ITSN1: variants seen among roughly 807,000 people sequenced by gnomAD.
ITSN1 encodes intersectin 1, also known as intersectin-1.
Under a neutral mutation model 239.8 loss-of-function variants are expected in ITSN1, and 58 were observed. That is an observed-to-expected ratio of 0.24 (90% confidence interval 0.20 to 0.30). The LOEUF (loss-of-function observed/expected upper bound fraction) is 0.30, where lower values mean the gene tolerates loss of function less well. ITSN1 is among the 10% of genes least tolerant of loss of function. The pLI is 1.00. For synonymous variants in ITSN1, 780 were observed against 770.8 expected (o/e 1.01, Z -0.20); for missense variants, 1,558 against 2,103.3 (o/e 0.74, Z 5.07).
At chr21:33,717,710 C>G (rs1436664679) in intron 1 of ITSN1, among the ~76,000 whole-genome samples, 1 of 148,736 alleles carries the variant, frequency 6.7e-6, no homozygotes, top group Non-Finnish European at 1.5e-5. Flanking sequence ...CGCCCGCCAC[C>G]ACGCCCAGCT....
chr21:33,669,689 C>T (rs1409863151), intron 1 of ITSN1, among the ~76,000 whole-genome samples: 4 of 151,888 alleles, frequency 2.6e-5, no homozygotes, highest in African/African-American at 2.4e-5. Context: ...GATCCACCCA[C>T]CTTGACCTCC....
At chr21:33,680,605 G>T (rs1171421763) in intron 1 of ITSN1, among the ~76,000 whole-genome samples, 2 of 152,154 alleles carry the variant, frequency 1.3e-5, no homozygotes, top group Non-Finnish European at 2.9e-5. Context: ...TGCTGGGATT[G>T]CAGGCGTGAG....
rs1278532338 is a variant in ITSN1 at position 33,836,608 on chromosome 21, A to G, written c.3637A>G (p.Thr1213Ala). The G allele has an allele frequency of 1.9e-6, 3 of 1,614,036 alleles. No individual in the cohort carries two copies. The highest frequency in any genetic ancestry group is 1.3e-5 in the African/African-American group (1 of 75,048). ...CCCATCCAATTATGTGAAGCTGACC[A>G]CAGACATGGACCCAAGCCAGCAATG... ...LFPSNYVKLT[T>A]DMDPSQQWCS... is the part of the protein sequence containing the mutation. Residue 1213 changes from threonine (T) to alanine (A), a missense_variant, in exon 29 of 40, where the codon ACA (threonine) becomes GCA (alanine). This residue lies in a region of ITSN1 where 576 missense variants were observed against 893.3 expected (regional missense o/e 0.64). Coordinates refer to ENST00000381318, the MANE Select transcript of ITSN1 (RefSeq NM_003024.3).
intron 34 of ITSN1, among the ~76,000 whole-genome samples, chr21:33,879,635 A>ACACAGTGAG (rs1569337804): frequency 2.6e-5 from 4 of 152,230 alleles, no homozygotes. Context: ...CATCAGAGGG[A>ACACAGTGAG]CACAGTGAGG....
At chr21:33,867,924 G>A (rs1371229849) in intron 33 of ITSN1, among the ~76,000 whole-genome samples, 1 of 152,132 alleles carries the variant, frequency 6.6e-6, no homozygotes, top group Non-Finnish European at 1.5e-5. Flanking sequence ...CGGTGGGCTC[G>A]TGGTCTCGCT....
At chr21:33,727,609 A>C (rs1432222659) in intron 4 of ITSN1, among the ~76,000 whole-genome samples, 2 of 141,656 alleles carry the variant, frequency 1.4e-5, no homozygotes, top group African/African-American at 2.7e-5. Flanking sequence ...AACTCATACA[A>C]AAAAAAAAAA....
At chr21:33,647,342 T>G (rs1160866487) in intron 1 of ITSN1, among the ~76,000 whole-genome samples, 1 of 152,198 alleles carries the variant, frequency 6.6e-6, no homozygotes, top group Non-Finnish European at 1.5e-5. Flanking sequence ...CAATTTCTGG[T>G]AACAAAAATG....
At position 33,713,269 on chromosome 21, in the gene ITSN1, T is replaced by A. The variant is rs575661844; in HGVS notation, c.-32-5528T>A. Among the ~76,000 whole-genome samples the A allele has an allele frequency of 2.7e-4, 41 of 152,162 alleles. No individual in the cohort carries two copies. In the East Asian group the frequency reaches 6.6e-3, roughly 24 times the overall value. On this transcript the variant is annotated intron_variant, in intron 1 of 39. Coordinates refer to ENST00000381318, the MANE Select transcript of ITSN1 (RefSeq NM_003024.3). ...TTGTTTTTGTTTTTGAGACGGAGTC[T>A]TGCTCCGTCTCCCAGGCTGGAGTGC...
At chr21:33,850,505 C>T (rs908192663) in intron 29 of ITSN1, among the ~76,000 whole-genome samples, 5 of 152,166 alleles carry the variant, frequency 3.3e-5, no homozygotes, top group African/African-American at 1.2e-4. Context: ...ATGCCCTGTG[C>T]AAAGTGCCTG....
chr21:33,882,597 G>A lies in ITSN1; in HGVS notation c.4554+142G>A. On this transcript the variant is annotated intron_variant, in intron 35 of 39. Transcript: ENST00000381318. This position sits in a 1 kb window ranked among gnomAD's most constrained non-coding sequence, Gnocchi z 4.5. ...CAGGAGTTGAAATGCGATTTAGGGT[G>A]TCCGGAGTGGAGGACGATCCATATC... 1.5e-6 allele frequency: 1 copy of A among 671,768 alleles called. No individual in the cohort carries two copies. The highest frequency in any genetic ancestry group is 2.7e-5 in the East Asian group (1 of 36,788). The allele number at this position is 671,768 out of a possible 1,614,324, so 41.6% of individuals were successfully genotyped here. A position where few individuals can be genotyped will look rare whatever the true frequency, so the allele number is the denominator to read the frequency against.
chr21:33,746,310 C>T (rs1376533997), intron 5 of ITSN1, among the ~76,000 whole-genome samples: 1 of 152,098 alleles, frequency 6.6e-6, no homozygotes, highest in Non-Finnish European at 1.5e-5. Flanking sequence ...TAAAAAATAA[C>T]AGGAAAGTAT....
In ITSN1 at chr21:33,865,711, T is replaced by C. The variant is rs1219620521; in HGVS notation, c.4074+377T>C. Among the ~76,000 whole-genome samples, 3 of 152,246 alleles carry C rather than the reference T, an allele frequency of 2.0e-5. No homozygotes were observed. The highest frequency in any genetic ancestry group is 7.2e-5 in the African/African-American group (3 of 41,464). On this transcript the variant is annotated intron_variant, in intron 32 of 39. Transcript: ENST00000381318. This position sits in a 1 kb window ranked among gnomAD's most constrained non-coding sequence, Gnocchi z 4.4. Reference sequence around the variant, plus strand: ...CTCAGTTCTTTGCTGGTCTCTGCCCTTCACTTGCAGAGGGAATGGCCAGGA... The same window carrying C: ...CTCAGTTCTTTGCTGGTCTCTGCCCCTCACTTGCAGAGGGAATGGCCAGGA...
chr21:33,853,183 T>C (rs1023627573), intron 29 of ITSN1, among the ~76,000 whole-genome samples: 1 of 152,234 alleles, frequency 6.6e-6, no homozygotes, highest in African/African-American at 2.4e-5. Flanking sequence ...CTTTTCATTG[T>C]GTTCTGCAGT....
chr21:33,653,306 G>A (rs951911694), intron 1 of ITSN1, among the ~76,000 whole-genome samples: 1 of 151,940 alleles, frequency 6.6e-6, no homozygotes, highest in Non-Finnish European at 1.5e-5. Flanking sequence ...TGATTGGGAA[G>A]TTCTGAGTTT....
intron 1 of ITSN1, among the ~76,000 whole-genome samples, chr21:33,665,108 C>A (rs1299180577): frequency 6.6e-6 from 1 of 152,040 alleles, no homozygotes; most frequent in Non-Finnish European, 1.5e-5. Flanking sequence ...ACTAAAAATA[C>A]AAAAATTAGC....
chr21:33,737,858 C>T (rs1287234086), intron 5 of ITSN1, among the ~76,000 whole-genome samples: 2 of 152,126 alleles, frequency 1.3e-5, no homozygotes, highest in African/African-American at 4.8e-5. Context: ...ACAGGATGAG[C>T]CACTGCACCT....
At position 33,898,148 on chromosome 21, in the gene ITSN1, G is replaced by A. The variant is rs965720629; in HGVS notation, c.*9848G>A. ...CCTTGGGTTCTAGTGGATTTGTTAG[G>A]GATCTGGGGCTGACGCAGCTATCCC... On this transcript the variant is annotated 3_prime_UTR_variant, in exon 40 of 40. Transcript: ENST00000381318. 1.3e-5 allele frequency: 2 copies of A among 152,138 alleles called. No homozygotes were observed. The highest frequency in any genetic ancestry group is 4.8e-5 in the African/African-American group (2 of 41,404). The allele number at this position is 152,138 out of a possible 1,614,324, so 9.4% of individuals were successfully genotyped here.
At chr21:33,673,731 A>G (rs1051218642) in intron 1 of ITSN1, among the ~76,000 whole-genome samples, 6 of 151,106 alleles carry the variant, frequency 4.0e-5, no homozygotes, top group Admixed American at 3.3e-4. Context: ...CCAGGATGTC[A>G]CCTTTTCATC....
At chr21:33,704,177 T>C (rs1320627104) in intron 1 of ITSN1, among the ~76,000 whole-genome samples, 1 of 152,210 alleles carries the variant, frequency 6.6e-6, no homozygotes, top group African/African-American at 2.4e-5. Context: ...CCTGCTTACA[T>C]ATGGTAAATG....
Sources: gnomAD v4.1 joint callset for allele counts (sites outside exome capture counted in the v4.1 genomes callset) on GRCh38, gnomAD v4.1.1 for gene constraint, gnomAD v4.1.1 regional missense constraint, Gnocchi (gnomAD v3.1) non-coding constraint, MANE v1.5 for transcripts, NCBI Gene and HGNC (gene_info 2026-07-23, HGNC 2026-07-21) for gene names.